Variants in SRFBP1 observed in about 807,000 individuals in gnomAD.
SRFBP1 encodes serum response factor-binding protein 1.
A neutral mutation model predicts 45.5 loss-of-function variants in SRFBP1; 47 were observed. The ratio of observed to expected loss-of-function variants is 1.03; its 90% CI spans 0.82 to 1.32. The LOEUF (loss-of-function observed/expected upper bound fraction) is 1.32, where lower values mean the gene tolerates loss of function less well. SRFBP1 is among the 40% of genes most tolerant of loss of function. The pLI, the probability that SRFBP1 is intolerant of heterozygous loss-of-function variation, is 0.00. For synonymous variants in SRFBP1, 203 were observed against 166.3 expected (o/e 1.22, Z -1.70); for missense variants, 621 against 484.6 (o/e 1.28, Z -2.64).
rs746917007 is a variant in SRFBP1 at position 122,020,220 on chromosome 5, C to T, written c.485C>T (p.Ala162Val). 1.2e-6 allele frequency: 2 copies of T among 1,613,380 alleles called. No individual in the cohort carries two copies. Among genetic ancestry groups the T allele is most frequent in the Non-Finnish European group, 1.7e-6 (2 of 1,179,780 alleles). ...NDNGSNLQRE[A>V]TVISEQKVKE... Reference sequence around the variant, plus strand: ...AATGGAAGTAATTTACAGCGTGAAGCAACTGTCATCAGTGAGCAAAAAGTC... The same window carrying T: ...AATGGAAGTAATTTACAGCGTGAAGTAACTGTCATCAGTGAGCAAAAAGTC... Residue 162 changes from alanine to valine, a missense_variant, in exon 6 of 8, where the codon GCA becomes GTA. Ala to Val is a moderately conservative substitution (Grantham distance 64). Coordinates refer to ENST00000339397, the MANE Select transcript of SRFBP1 (RefSeq NM_152546.3).
In SRFBP1 at chr5:122,026,950, C is replaced by T; in HGVS notation, c.1114C>T (p.Gln372Ter). 10 of 1,601,992 alleles carry T rather than the reference C, an allele frequency of 6.2e-6. No homozygotes were observed. The highest frequency in any genetic ancestry group is 8.5e-6 in the Non-Finnish European group (10 of 1,175,474). The change falls in exon 8 of 8, where the codon CAG becomes TAG. Residue 372 changes from glutamine to a stop codon, truncating the protein, a stop_gained. Transcript: ENST00000339397. LOFTEE classifies it low-confidence loss of function (END_TRUNC). ...APKTRSLDFPQNEPQIKNQFN... is the reference protein window; with the variant it reads ...APKTRSLDFP ...TTGCTTTCTCTTCCTAGATTTTCCA[C>T]AGAATGAGCCTCAGATCAAGAATCA...
intron 3 of SRFBP1, among the ~76,000 whole-genome samples, chr5:121,992,054 A>G (rs949234998): frequency 8.5e-5 from 13 of 152,120 alleles, no homozygotes; most frequent in African/African-American, 2.9e-4. Flanking sequence ...GGAGATGGAA[A>G]ATACATTAGT....
At chr5:122,070,799 T>C (rs911311031) in intron 2 of SRFBP1, 4 of 385,548 alleles carry the variant, frequency 1.0e-5, no homozygotes, top group South Asian at 7.9e-5. Context: ...ATATAAGTAG[T>C]AGTACACCTC....
chr5:121,978,949 C>T (rs1752357075), intron 3 of SRFBP1, among the ~76,000 whole-genome samples: 1 of 152,128 alleles, frequency 6.6e-6, no homozygotes. Flanking sequence ...TCCTTTTGTT[C>T]TATTCTTCCC....
chr5:122,048,893 C>A (rs1053120819), intron 2 of SRFBP1, among the ~76,000 whole-genome samples: 1 of 152,024 alleles, frequency 6.6e-6, no homozygotes, highest in Admixed American at 6.6e-5. Flanking sequence ...GTGATGATAT[C>A]CCCTTCATCG....
At chr5:121,975,501 T>A in intron 3 of SRFBP1, 114 bp downstream of exon 3, 1 of 1,094,720 alleles carries the variant, frequency 9.1e-7, no homozygotes, top group South Asian at 1.3e-5. Flanking sequence ...GCGTAAGACA[T>A]CTTGTATCAG....
chr5:122,027,261 A>G lies in SRFBP1; in HGVS notation c.*135A>G. On this transcript the variant is annotated 3_prime_UTR_variant, in exon 8 of 8. Coordinates refer to ENST00000339397, the MANE Select transcript of SRFBP1 (RefSeq NM_152546.3). ...CTGCAGCCTCAAACTCCTGGGCTCA[A>G]GTGATCCTCCCACCTCTGCCTCCCA... The G allele has an allele frequency of 2.9e-6, 2 of 680,950 alleles. No homozygotes were observed. Among genetic ancestry groups the G allele is most frequent in the Non-Finnish European group, 4.8e-6 (2 of 420,848 alleles). 42.2% of individuals were successfully genotyped at this position (680,950 alleles called of 1,614,324 possible). A position where few individuals can be genotyped will look rare whatever the true frequency, so the allele number is the denominator to read the frequency against.
At chr5:121,975,786 C>T (rs1266942780) in intron 3 of SRFBP1, among the ~76,000 whole-genome samples, 1 of 151,854 alleles carries the variant, frequency 6.6e-6, no homozygotes, top group East Asian at 1.9e-4. Flanking sequence ...GTTGCCAGCT[C>T]AATAAATTTT....
intron 3 of SRFBP1, among the ~76,000 whole-genome samples, chr5:121,982,740 A>C (rs1296438077): frequency 6.6e-6 from 1 of 151,710 alleles, no homozygotes; most frequent in Non-Finnish European, 1.5e-5. Context: ...GGAATTCTTC[A>C]CCTAGATAAG....
At chr5:122,075,796 A>T (rs1754608560), downstream of SRFBP1, among the ~76,000 whole-genome samples, 1 of 152,198 alleles carries the variant, frequency 6.6e-6, no homozygotes. Flanking sequence ...AAATCCACAG[A>T]TCTTAACAGT....
chr5:122,059,266 G>A (rs139357473), intron 2 of SRFBP1, among the ~76,000 whole-genome samples: 3 of 152,152 alleles, frequency 2.0e-5, no homozygotes, highest in Non-Finnish European at 2.9e-5. Flanking sequence ...TCTCTGGTCA[G>A]TCTAGACCTT....
At chr5:121,994,163 A>G (rs1752670655) in intron 3 of SRFBP1, among the ~76,000 whole-genome samples, 1 of 151,926 alleles carries the variant, frequency 6.6e-6, no homozygotes, top group African/African-American at 2.4e-5. Flanking sequence ...TTTCTGCTTT[A>G]TGTAATAGTT....
chr5:122,043,568 AT>A (rs1439478184), intron 2 of SRFBP1, among the ~76,000 whole-genome samples: 56 of 152,220 alleles, frequency 3.7e-4, no homozygotes, highest in African/African-American at 1.3e-3. Context: ...TCTCAGTCAC[AT>A]TGTCATTTTA....
At chr5:121,981,015 A>G (rs917473908) in intron 3 of SRFBP1, among the ~76,000 whole-genome samples, 2 of 152,106 alleles carry the variant, frequency 1.3e-5, no homozygotes, top group African/African-American at 4.8e-5. Context: ...CTTGTGCTGT[A>G]TAGCTTTCCA....
chr5:121,991,402 A>G (rs919476823), intron 3 of SRFBP1, among the ~76,000 whole-genome samples: 2 of 152,170 alleles, frequency 1.3e-5, no homozygotes, highest in Non-Finnish European at 2.9e-5. Context: ...GTTTCAGAGC[A>G]GTTAGAGAAA....
At chr5:122,010,000 C>T (rs1371609236) in intron 4 of SRFBP1, among the ~76,000 whole-genome samples, 4 of 152,166 alleles carry the variant, frequency 2.6e-5, no homozygotes, top group African/African-American at 9.7e-5. Context: ...TTCCCACTAA[C>T]TCTGCCACCA....
intron 2 of SRFBP1, among the ~76,000 whole-genome samples, chr5:122,049,678 C>G (rs900221845): frequency 4.6e-5 from 7 of 152,184 alleles, no homozygotes; most frequent in Admixed American, 4.6e-4. Flanking sequence ...CAAACTGTCT[C>G]TCAGACCACA....
chr5:122,070,509 T>C lies in SRFBP1; in HGVS notation n.312-4806T>C. Reference sequence around the variant, plus strand: ...AGGTCTTTACCTTTAGGATATAGTTTCCAGGTTTTACATCTGTAATATCAA... The same window carrying C: ...AGGTCTTTACCTTTAGGATATAGTTCCCAGGTTTTACATCTGTAATATCAA... On this transcript the variant is annotated intron_variant and non_coding_transcript_variant, in intron 2 of 2. Coordinates refer to the SRFBP1 transcript ENST00000504881. 2 of 1,598,790 alleles carry C rather than the reference T, an allele frequency of 1.3e-6. No homozygotes were observed. Among genetic ancestry groups the C allele is most frequent in the Non-Finnish European group, 1.7e-6 (2 of 1,167,380 alleles).
chr5:122,040,775 G>C lies in SRFBP1; in HGVS notation n.311+18368G>C, dbSNP rs563758507. Among the ~76,000 whole-genome samples, 5 of 152,232 alleles carry C rather than the reference G, an allele frequency of 3.3e-5. 1 individual carries two copies. The South Asian group carries it at 1.0e-3, about 32-fold the overall frequency. On this transcript the variant is annotated intron_variant and non_coding_transcript_variant, in intron 2 of 2. Coordinates refer to the SRFBP1 transcript ENST00000504881. Reference sequence around the variant, plus strand: ...TAATGTACCTAAAGTATATGTTCTTGAGTGCTTGAATTTATGTTCTGCACT... The same window carrying C: ...TAATGTACCTAAAGTATATGTTCTTCAGTGCTTGAATTTATGTTCTGCACT...
Sources: gnomAD v4.1 joint callset for allele counts (sites outside exome capture counted in the v4.1 genomes callset) on GRCh38, gnomAD v4.1.1 for gene constraint, MANE v1.5 for transcripts, NCBI Gene and HGNC (gene_info 2026-07-23, HGNC 2026-07-21) for gene names.